Variants in ADK observed in about 807,000 individuals in gnomAD.
ADK encodes the protein N6,N6-dimethyladenosine kinase.
A neutral mutation model predicts 44.7 loss-of-function variants in ADK; 24 were observed. The observed-to-expected ratio is 0.54, with a 90% CI of 0.39 to 0.76. The LOEUF (loss-of-function observed/expected upper bound fraction) is 0.76, where lower values mean the gene tolerates loss of function less well. ADK is among the 30% of genes least tolerant of loss of function. The pLI, the probability that ADK is intolerant of heterozygous loss-of-function variation, is 0.00. For synonymous variants in ADK, 128 were observed against 142.6 expected, an observed-to-expected ratio of 0.90 and a Z score of 0.73; for missense variants, 321 against 425.1, an observed-to-expected ratio of 0.76 and a Z score of 2.15.
At chr10:74,162,521 TTGTGTGTGTGTGTGTGTG>T (rs10550667) in intron 1 of ADK, among the ~76,000 whole-genome samples, 42 of 141,982 alleles carry the variant, frequency 3.0e-4, no homozygotes, top group African/African-American at 1.0e-3. Flanking sequence ...TGCATTTCTT[TTGTGTGTGTGTGTGTGTG>T]TGTGTGTGTG....
At position 74,267,754 on chromosome 10, in the gene ADK, T is replaced by TTTTG. The variant is rs1554835954; in HGVS notation, c.194+43164_194+43165insTTGT. Among the ~76,000 whole-genome samples, 79 of 132,838 alleles carry TTTTG rather than the reference T, an allele frequency of 5.9e-4. 1 individual carries two copies. Among genetic ancestry groups the TTTTG allele is most frequent in the South Asian group, 1.0e-3 (4 of 3,976 alleles). The allele number at this position is 132,838 out of a possible 152,430, so 87.1% of individuals were successfully genotyped here. A position where few individuals can be genotyped will look rare whatever the true frequency, so the allele number is the denominator to read the frequency against. ...ATCAGCTATTGGCTTATATCCTTATTTGTGTGTGTGTGTGTGTGTGTGTGT... is the reference window on the plus strand; with the variant it reads ...ATCAGCTATTGGCTTATATCCTTATTTTTGTGTGTGTGTGTGTGTGTGTGTGTGT... On this transcript the variant is annotated intron_variant, in intron 3 of 10. Coordinates refer to ENST00000539909, the MANE Select transcript of ADK (RefSeq NM_006721.4).
intron 1 of ADK, among the ~76,000 whole-genome samples, chr10:74,198,092 A>C (rs567380025): frequency 1.3e-5 from 2 of 152,330 alleles, no homozygotes; most frequent in South Asian, 2.1e-4. Context: ...GTAGCCCAAT[A>C]ACACTGCTCA....
intron 7 of ADK, among the ~76,000 whole-genome samples, chr10:74,525,724 G>T (rs1405154262): frequency 2.0e-5 from 3 of 151,750 alleles, no homozygotes; most frequent in Non-Finnish European, 4.4e-5. Flanking sequence ...GCATGATCTT[G>T]GCTCACTACA....
chr10:74,371,894 G>C, intron 4 of ADK: 1 of 1,475,184 alleles, frequency 6.8e-7, no homozygotes, highest in South Asian at 1.1e-5. Context: ...AAGAGCCACG[G>C]CTTCTTGTGG....
chr10:74,595,876 A>C (rs569869605), intron 8 of ADK, among the ~76,000 whole-genome samples: 5 of 151,228 alleles, frequency 3.3e-5, no homozygotes, highest in Admixed American at 6.6e-5. Flanking sequence ...GGGCACCTGT[A>C]ATCCCAGCTA....
At chr10:74,278,082 C>T (rs775028909) in intron 3 of ADK, among the ~76,000 whole-genome samples, 27 of 151,786 alleles carry the variant, frequency 1.8e-4, no homozygotes, top group Non-Finnish European at 2.6e-4. Context: ...GGGGTGGCGA[C>T]GTAGCTCACC....
At chr10:74,180,242 T>A (rs574076199) in intron 1 of ADK, among the ~76,000 whole-genome samples, 257 of 146,794 alleles carry the variant, frequency 1.8e-3, no homozygotes, top group African/African-American at 6.0e-3. Flanking sequence ...ATTGTTATTA[T>A]TAATTATTAT....
At chr10:74,581,289 A>G (rs944287348) in intron 7 of ADK, among the ~76,000 whole-genome samples, 1 of 152,156 alleles carries the variant, frequency 6.6e-6, no homozygotes, top group Admixed American at 6.5e-5. Context: ...AAAAAATACC[A>G]TGTCTGAGGT....
At chr10:74,664,168 A>T (rs985871036) in intron 9 of ADK, among the ~76,000 whole-genome samples, 3 of 152,210 alleles carry the variant, frequency 2.0e-5, no homozygotes, top group African/African-American at 7.2e-5. Context: ...AATAAATTAT[A>T]CTATATCCAT....
intron 4 of ADK, among the ~76,000 whole-genome samples, chr10:74,334,829 G>C (rs543323245): frequency 6.6e-6 from 1 of 152,202 alleles, no homozygotes; most frequent in South Asian, 2.1e-4. Flanking sequence ...GAGGGGAATT[G>C]CAGTCAAGGA....
intron 3 of ADK, among the ~76,000 whole-genome samples, chr10:74,306,497 CT>C (rs746880564): frequency 2.6e-5 from 4 of 152,118 alleles, no homozygotes; most frequent in Non-Finnish European, 5.9e-5. Flanking sequence ...ATACTCTTCT[CT>C]TGCTTTTTTC....
chr10:74,282,118 A>G (rs1846963601), intron 3 of ADK, among the ~76,000 whole-genome samples: 1 of 152,252 alleles, frequency 6.6e-6, no homozygotes, highest in Non-Finnish European at 1.5e-5. Flanking sequence ...AAAAGGTGAC[A>G]GTTTAAAAGA....
At chr10:74,595,437 C>T (rs1403092405) in intron 8 of ADK, among the ~76,000 whole-genome samples, 4 of 111,350 alleles carry the variant, frequency 3.6e-5, no homozygotes, top group Non-Finnish European at 5.1e-5. Context: ...AGTGCAGTGG[C>T]GTGATCTTTG....
At chr10:74,478,921 A>G (rs1367817367) in intron 6 of ADK, among the ~76,000 whole-genome samples, 2 of 152,158 alleles carry the variant, frequency 1.3e-5, no homozygotes, top group African/African-American at 4.8e-5. Flanking sequence ...GGTCTTCACT[A>G]CTGTGTGTCA....
At chr10:74,497,100 G>T (rs938161329) in intron 6 of ADK, among the ~76,000 whole-genome samples, 22 of 151,988 alleles carry the variant, frequency 1.4e-4, no homozygotes, top group Non-Finnish European at 1.5e-5. Flanking sequence ...GGGACTACGG[G>T]CGCCACCTTG....
chr10:74,360,170 G>A (rs1174348713), intron 4 of ADK, among the ~76,000 whole-genome samples: 1 of 152,092 alleles, frequency 6.6e-6, no homozygotes, highest in East Asian at 1.9e-4. Context: ...ATTTGGTCTA[G>A]AGTATAGTTT....
At chr10:74,565,225 ATCT>A (rs1274233110) in intron 7 of ADK, among the ~76,000 whole-genome samples, 2 of 152,262 alleles carry the variant, frequency 1.3e-5, no homozygotes, top group South Asian at 2.1e-4. Context: ...CAAGTCACAA[ATCT>A]TCTAATTCAG....
chr10:74,626,563 A>AC (rs1853214046), intron 9 of ADK, among the ~76,000 whole-genome samples: 1 of 152,174 alleles, frequency 6.6e-6, no homozygotes, highest in South Asian at 2.1e-4. Flanking sequence ...TCAGCCTCCC[A>AC]AAGTGCTGGG....
At position 74,373,676 on chromosome 10, in the gene ADK, G is replaced by T. The variant is rs144296723; in HGVS notation, c.274-20465G>T. On this transcript the variant is annotated intron_variant, in intron 4 of 10. Coordinates refer to ENST00000539909, the MANE Select transcript of ADK (RefSeq NM_006721.4). Reference sequence around the variant, plus strand: ...ATCAGAAGGACAGAGTTTTGGCAAGGATTTGGAGAACCCTAAGGCATTGCT... The same window carrying T: ...ATCAGAAGGACAGAGTTTTGGCAAGTATTTGGAGAACCCTAAGGCATTGCT... Among the ~76,000 whole-genome samples, 1,040 of 152,270 alleles carry T rather than the reference G, an allele frequency of 6.8e-3. 5 individuals are homozygous for T. Among genetic ancestry groups the T allele is most frequent in the Non-Finnish European group, 0.011 (764 of 67,988 alleles).
Sources: gnomAD v4.1 joint callset for allele counts (sites outside exome capture counted in the v4.1 genomes callset) on GRCh38, gnomAD v4.1.1 for gene constraint, MANE v1.5 for transcripts, NCBI Gene and HGNC (gene_info 2026-07-23, HGNC 2026-07-21) for gene names.